CCDC93: variants seen among roughly 807,000 people sequenced by gnomAD.
CCDC93 encodes the protein CCC complex scaffolding subunit CCDC93.
A neutral mutation model predicts 108.2 loss-of-function variants in CCDC93; 61 were observed. The observed-to-expected ratio is 0.56, with a 90% CI of 0.46 to 0.70. The LOEUF is 0.70. Ranked by LOEUF, CCDC93 falls within the 30% of genes least tolerant of loss-of-function variation. The pLI, the probability that CCDC93 is intolerant of heterozygous loss-of-function variation, is 0.00. For missense variants in CCDC93, 685 were observed against 764.2 expected, an observed-to-expected ratio of 0.90 and a Z score of 1.22; for synonymous variants, 276 against 260.4, an observed-to-expected ratio of 1.06 and a Z score of -0.58.
At chr2:117,980,938 G>T (rs371123948) in intron 7 of CCDC93, among the ~76,000 whole-genome samples, 1 of 152,146 alleles carries the variant, frequency 6.6e-6, no homozygotes, top group African/African-American at 2.4e-5. Context: ...TCATAGAAAT[G>T]AAATCACTCA....
rs1677803290 is a variant in CCDC93 at position 117,919,886 on chromosome 2, T to C, written c.*457A>G. 6.5e-6 allele frequency: 1 copy of C among 153,616 alleles called. No homozygotes were observed. The highest frequency in any genetic ancestry group is 1.5e-5 in the Non-Finnish European group (1 of 68,754). The allele number at this position is 153,616 out of a possible 1,614,324, so 9.5% of individuals were successfully genotyped here. A position where few individuals can be genotyped will look rare whatever the true frequency, so the allele number is the denominator to read the frequency against. On this transcript the variant is annotated 3_prime_UTR_variant, in exon 24 of 24. Transcript: ENST00000376300. ...CCCAGTTCTGCGGTCAAGTGTGCTGTATCTGCCTCCCTGGGCCACCTGCTG... is the reference window on the plus strand; with the variant it reads ...CCCAGTTCTGCGGTCAAGTGTGCTGCATCTGCCTCCCTGGGCCACCTGCTG...
chr2:117,961,070 C>T (rs920185571), intron 11 of CCDC93, among the ~76,000 whole-genome samples: 8 of 152,060 alleles, frequency 5.3e-5, no homozygotes, highest in South Asian at 2.1e-4. Context: ...TCTAAGGAGC[C>T]TGGTTCACTT....
intron 8 of CCDC93, 45 bp from the exon 9 acceptor site, chr2:117,975,325 C>A (rs890537751): frequency 2.2e-6 from 3 of 1,395,146 alleles, no homozygotes; most frequent in South Asian, 2.3e-5. Flanking sequence ...GAGATGGAGA[C>A]TCAGTAGAGA....
In CCDC93 at chr2:117,949,970, C is replaced by A. The variant is rs146721228; in HGVS notation, c.1069-575G>T. 5 of 985,288 alleles carry A rather than the reference C, an allele frequency of 5.1e-6. No individual in the cohort carries two copies. In the African/African-American group the frequency reaches 8.7e-5, roughly 17 times the overall value. The allele number at this position is 985,288 out of a possible 1,614,324, so 61.0% of individuals were successfully genotyped here. A position where few individuals can be genotyped will look rare whatever the true frequency, so the allele number is the denominator to read the frequency against. On this transcript the variant is annotated intron_variant, in intron 13 of 23. Coordinates refer to ENST00000376300, the MANE Select transcript of CCDC93 (RefSeq NM_019044.5). The stretch of plus-strand genomic sequence containing the variant: ...ATTAGGAATAGCCACATAGGCTAGG[C>A]AATGAAACCTGACTCTCTTAAACAC...
intron 7 of CCDC93, among the ~76,000 whole-genome samples, chr2:117,980,721 C>A (rs1009911084): frequency 6.6e-6 from 1 of 152,206 alleles, no homozygotes; most frequent in Non-Finnish European, 1.5e-5. Flanking sequence ...ATATAAAATT[C>A]ACCATTTCAA....
At chr2:117,930,854 C>A in intron 23 of CCDC93, 183 bp downstream of exon 23, 1 of 511,882 alleles carries the variant, frequency 2.0e-6, no homozygotes, top group Non-Finnish European at 3.5e-6. Flanking sequence ...TCAAGATGGG[C>A]CACAGAAAAA....
intron 6 of CCDC93, among the ~76,000 whole-genome samples, chr2:117,986,455 T>G (rs1251648042): frequency 6.6e-6 from 1 of 152,138 alleles, no homozygotes. Flanking sequence ...TGCTCAGGTC[T>G]CCGGGTGCAG....
At chr2:117,964,454 T>C (rs926262328) in intron 11 of CCDC93, among the ~76,000 whole-genome samples, 30 of 152,214 alleles carry the variant, frequency 2.0e-4, no homozygotes, top group Non-Finnish European at 1.6e-4. Context: ...ACTGAGAGTA[T>C]ACTATAATCC....
chr2:117,922,904 C>T (rs1420164704), intron 23 of CCDC93, among the ~76,000 whole-genome samples: 1 of 152,008 alleles, frequency 6.6e-6, no homozygotes, highest in Admixed American at 6.6e-5. Flanking sequence ...TCCTCCTCAA[C>T]ACCTGTGGTG....
At chr2:117,935,399 C>T (rs1245815056) in intron 22 of CCDC93, 96 bp downstream of exon 22, 12 of 837,210 alleles carry the variant, frequency 1.4e-5, no homozygotes, top group Non-Finnish European at 2.4e-5. Flanking sequence ...ATTGAGGGCA[C>T]ACTCCCCAAC....
rs148407580 is a variant in CCDC93, at chr2:117,949,478, A to C, written c.1069-83T>G. The C allele has an allele frequency of 6.8e-3, 6,721 of 985,588 alleles. 41 individuals are homozygous for C. The highest frequency in any genetic ancestry group is 0.014 in the Middle Eastern group (57 of 4,180). 61.1% of individuals were successfully genotyped at this position (985,588 alleles called of 1,614,324 possible). On this transcript the variant is annotated intron_variant, in intron 13 of 23. Transcript: ENST00000376300. ...TCACCTTCTTTTTGTGAGGCAGATA[A>C]TGACACTTTTTAAAGAAGAAACTTA...
chr2:117,929,260 TAAAA>T (rs1195512611), intron 23 of CCDC93, among the ~76,000 whole-genome samples: 1 of 151,870 alleles, frequency 6.6e-6, no homozygotes, highest in Non-Finnish European at 1.5e-5. Context: ...TAAAGTATAA[TAAAA>T]AAAAGAAATA....
intron 6 of CCDC93, among the ~76,000 whole-genome samples, chr2:117,987,885 G>C (rs1331142275): frequency 6.6e-6 from 1 of 152,124 alleles, no homozygotes; most frequent in Non-Finnish European, 1.5e-5. Flanking sequence ...ACATTCTGCT[G>C]TATCTGTGCT....
At chr2:117,926,822 A>G (rs1678124373) in intron 23 of CCDC93, among the ~76,000 whole-genome samples, 1 of 152,162 alleles carries the variant, frequency 6.6e-6, no homozygotes, top group South Asian at 2.1e-4. Flanking sequence ...ACCAAAAAAG[A>G]GAATTTTAGA....
At chr2:118,007,055 C>T (rs1676892801) in intron 2 of CCDC93, among the ~76,000 whole-genome samples, 1 of 152,240 alleles carries the variant, frequency 6.6e-6, no homozygotes, top group African/African-American at 2.4e-5. Flanking sequence ...AGGACAAGTA[C>T]AGTAGCTACT....
chr2:117,942,389 G>C (rs1280363612), intron 18 of CCDC93, among the ~76,000 whole-genome samples: 1 of 152,034 alleles, frequency 6.6e-6, no homozygotes, highest in African/African-American at 2.4e-5. Context: ...GAAATGTACT[G>C]AGAGCCATGC....
intron 23 of CCDC93, chr2:117,930,741 T>A (rs1438704583): frequency 1.4e-5 from 3 of 220,446 alleles, no homozygotes; most frequent in Non-Finnish European, 2.7e-5. Flanking sequence ...TGTTTCCAAG[T>A]GGCCCTTGAT....
intron 12 of CCDC93, among the ~76,000 whole-genome samples, chr2:117,955,866 T>C (rs750732939): frequency 2.0e-5 from 3 of 152,152 alleles, no homozygotes; most frequent in Non-Finnish European, 4.4e-5. Context: ...GGCATACATT[T>C]TTGCAAAGGC....
At chr2:117,930,942 A>T in intron 23 of CCDC93, 95 bp downstream of exon 23, 1 of 746,720 alleles carries the variant, frequency 1.3e-6, no homozygotes, top group Non-Finnish European at 2.3e-6. Context: ...CACAGACCAG[A>T]GGAAAACCAA....
Sources: allele counts gnomAD v4.1 joint callset (sites outside exome capture counted in the v4.1 genomes callset), GRCh38; gene constraint gnomAD v4.1.1; transcripts MANE v1.5; gene names NCBI Gene and HGNC (gene_info 2026-07-23, HGNC 2026-07-21).